RTP5: variants seen among roughly 807,000 people sequenced by gnomAD.
RTP5 encodes the protein receptor transporter protein 5 (putative), also known as receptor-transporting protein 5.
RTP5 carries 30 observed loss-of-function variants against 23.5 expected under a neutral mutation model. The observed-to-expected ratio is 1.27, with a 90% CI of 0.95 to 1.73. The LOEUF (loss-of-function observed/expected upper bound fraction) is 1.73, where lower values mean the gene tolerates loss of function less well. Among genes scored for constraint, RTP5 ranks in the 40% most tolerant of loss-of-function variants. The probability of loss-of-function intolerance (pLI) is 0.00; values close to 1 mark genes in which losing one functional copy is unlikely to be tolerated. For synonymous variants in RTP5, 354 were observed against 342.1 expected (o/e 1.03, Z -0.38); for missense variants, 807 against 784.2 (o/e 1.03, Z -0.35).
chr2:241,872,367 A>G lies in RTP5; in HGVS notation c.812A>G (p.His271Arg). The G allele has an allele frequency of 6.2e-7, 1 of 1,611,884 alleles. No individual in the cohort carries two copies. The highest frequency in any genetic ancestry group is 8.5e-7 in the Non-Finnish European group (1 of 1,179,628). ...GTGGCCATTGGAGACCCCCTCTTCC[A>G]CGGCCCCGGCCTCCTCGGCAGCAGC... ...FPVAIGDPLF[H>R]GPGLLGSSIQ... Residue 271 changes from histidine (H) to arginine (R), a missense_variant, in exon 2 of 2, where the codon CAC becomes CGC. Coordinates refer to ENST00000343216, the MANE Select transcript of RTP5 (RefSeq NM_173821.3).
At position 241,873,235 on chromosome 2, in the gene RTP5, G is replaced by A; in HGVS notation, c.1680G>A (p.Met560Ile). Residue 560 changes from methionine to isoleucine, a missense_variant, in exon 2 of 2, where the codon ATG becomes ATA. Coordinates refer to ENST00000343216, the MANE Select transcript of RTP5 (RefSeq NM_173821.3). ...TGTGCGTCTTCTGGCTGATGTGCAT[G>A]TGTCGGCTGAACCCCGGGATCTACC... ...MTVCVFWLMC[M>I]CRLNPGIYPQ... 6.3e-7 allele frequency: 1 copy of A among 1,597,580 alleles called. No individual in the cohort carries two copies. The highest frequency in any genetic ancestry group is 8.5e-7 in the Non-Finnish European group (1 of 1,176,126).
At chr2:241,871,610 A>T in intron 1 of RTP5, 104 bp from the exon 2 acceptor site, 1 of 1,382,106 alleles carries the variant, frequency 7.2e-7, no homozygotes, top group South Asian at 1.5e-5. Flanking sequence ...GGGGGCAGCG[A>T]GGCGCTGGGG....
chr2:241,870,675 C>T (rs990927249), intron 1 of RTP5, among the ~76,000 whole-genome samples: 27 of 152,248 alleles, frequency 1.8e-4, no homozygotes, highest in Non-Finnish European at 2.4e-4. Context: ...AGTAATAACC[C>T]GTGTTGGGGT....
chr2:241,873,746 G>A lies in RTP5; in HGVS notation c.*472G>A. The A allele has an allele frequency of 5.3e-6, 1 of 190,230 alleles. No homozygotes were observed. Among genetic ancestry groups the A allele is most frequent in the Non-Finnish European group, 1.0e-5 (1 of 95,626 alleles). 11.8% of individuals were successfully genotyped at this position (190,230 alleles called of 1,614,324 possible). A position where few individuals can be genotyped will look rare whatever the true frequency, so the allele number is the denominator to read the frequency against. On this transcript the variant is annotated 3_prime_UTR_variant, in exon 2 of 2. Coordinates refer to ENST00000343216, the MANE Select transcript of RTP5 (RefSeq NM_173821.3). ...CCTCCTGTCTCTTGCCCCTGGTTTT[G>A]TGGGTCTGCCCTGAGCTGTGCCTGT...
Position 241,873,421 on chromosome 2 carries a change from G to GCC in RTP5, c.*150_*151dup. The GCC allele has an allele frequency of 1.4e-6, 1 of 689,910 alleles. No individual in the cohort carries two copies. The highest frequency in any genetic ancestry group is 2.1e-6 in the Non-Finnish European group (1 of 485,176). 42.7% of individuals were successfully genotyped at this position (689,910 alleles called of 1,614,324 possible). On this transcript the variant is annotated 3_prime_UTR_variant, in exon 2 of 2. Coordinates refer to ENST00000343216, the MANE Select transcript of RTP5 (RefSeq NM_173821.3). ...TTTCTCTGAGACCCCCGCCTCTGAG[G>GCC]CCCCGCCCCCCGCCTCCGAGACCCC...
At position 241,871,943 on chromosome 2, in the gene RTP5, C is replaced by A. The variant is rs763141821; in HGVS notation, c.388C>A (p.Pro130Thr). 7.5e-6 allele frequency: 12 copies of A among 1,590,062 alleles called. No individual in the cohort carries two copies. Among genetic ancestry groups the A allele is most frequent in the Non-Finnish European group, 1.0e-5 (12 of 1,168,380 alleles). The stretch of plus-strand genomic sequence containing the variant: ...CCTGCAGGACTGCTACGGGGATGGC[C>A]CCGGCCCAGCCCGGCACCCCAGGGA... ...HILQDCYGDGPGPARHPREAY... is the reference protein window; with the variant it reads ...HILQDCYGDGTGPARHPREAY... The change falls in exon 2 of 2, where the codon CCC becomes ACC. Residue 130 changes from proline (P) to threonine (T), a missense_variant. Coordinates refer to ENST00000343216, the MANE Select transcript of RTP5 (RefSeq NM_173821.3).
At position 241,872,994 on chromosome 2, in the gene RTP5, A is replaced by G; in HGVS notation, c.1439A>G (p.Asp480Gly). 6.2e-7 allele frequency: 1 copy of G among 1,613,154 alleles called. No homozygotes were observed. Among genetic ancestry groups the G allele is most frequent in the Non-Finnish European group, 8.5e-7 (1 of 1,179,998 alleles). ...GCITIPFAVF[D>G]VIKRKGGGHV... is the part of the protein sequence containing the mutation. ...ATCACCATCCCCTTCGCAGTCTTCG[A>G]TGTCATAAAGCGCAAGGGCGGTGGC... is the stretch of plus-strand genomic sequence containing the variant. The change falls in exon 2 of 2, where the codon GAT becomes GGT. Residue 480 changes from aspartate (D) to glycine (G), a missense_variant. By Grantham distance (94) the Asp-to-Gly change is moderately conservative (BLOSUM62 -1). Coordinates refer to ENST00000343216, the MANE Select transcript of RTP5 (RefSeq NM_173821.3).
Position 241,872,061 on chromosome 2 carries a change from G to C in RTP5, c.506G>C (p.Gly169Ala), listed in dbSNP as rs773247359. Residue 169 changes from glycine to alanine, a missense_variant, in exon 2 of 2, where the codon GGC becomes GCC. Gly to Ala is a moderately conservative substitution (Grantham distance 60). Coordinates refer to ENST00000343216, the MANE Select transcript of RTP5 (RefSeq NM_173821.3). ...DPAWSANATK[G>A]NFPATAWGGT... ...GCCTGGAGCGCCAACGCCACAAAAG[G>C]CAACTTCCCCGCCACGGCCTGGGGT... The C allele has an allele frequency of 6.4e-7, 1 of 1,569,178 alleles. No individual in the cohort carries two copies. Among genetic ancestry groups the C allele is most frequent in the Admixed American group, 1.8e-5 (1 of 55,444 alleles).
At position 241,872,447 on chromosome 2, in the gene RTP5, A is replaced by C; in HGVS notation, c.892A>C (p.Ser298Arg). 2 of 1,606,494 alleles carry C rather than the reference A, an allele frequency of 1.2e-6. No individual in the cohort carries two copies. Among genetic ancestry groups the C allele is most frequent in the South Asian group, 2.2e-5 (2 of 90,264 alleles). ...CTTCAAAGGCCGGGGCTCCCTCTGC[A>C]GCCCGGTTGGCGTGGCCCAGGGCTG... The part of the protein sequence containing the change: ...FLFKGRGSLC[S>R]PVGVAQGWGP... The change falls in exon 2 of 2, where the codon AGC becomes CGC. Residue 298 changes from serine to arginine, a missense_variant. Coordinates refer to ENST00000343216, the MANE Select transcript of RTP5 (RefSeq NM_173821.3).
rs1194502752 is a variant in RTP5, at chr2:241,872,538, G to T, written c.983G>T (p.Cys328Phe). The T allele has an allele frequency of 6.4e-7, 1 of 1,566,582 alleles. No homozygotes were observed. Among genetic ancestry groups the T allele is most frequent in the African/African-American group, 1.4e-5 (1 of 73,366 alleles). The change falls in exon 2 of 2, where the codon TGT becomes TTT. Residue 328 changes from cysteine (C) to phenylalanine (F), a missense_variant. Cys to Phe is a radical substitution (Grantham distance 205). Transcript: ENST00000343216. ...AAACACACGCCAACCGTGTTCTACTGTGTGGGCCTCTCGGCCAGCGGGGAG... is the reference window on the plus strand; with the variant it reads ...AAACACACGCCAACCGTGTTCTACTTTGTGGGCCTCTCGGCCAGCGGGGAG... Reference protein sequence around the residue: ...VGKHTPTVFYCVGLSASGEGS... With the variant: ...VGKHTPTVFYFVGLSASGEGS...
intron 1 of RTP5, chr2:241,871,236 C>G (rs1461079116): frequency 2.8e-6 from 1 of 362,670 alleles, no homozygotes; most frequent in Admixed American, 3.5e-5. Flanking sequence ...CCCCCAGGGA[C>G]AGCCCCCACA....
At position 241,872,608 on chromosome 2, in the gene RTP5, C is replaced by T. The variant is rs374720690; in HGVS notation, c.1053C>T (p.Asn351=). 1 of 1,540,732 alleles carries T rather than the reference C, an allele frequency of 6.5e-7. No homozygotes were observed. The highest frequency in any genetic ancestry group is 8.7e-7 in the Non-Finnish European group (1 of 1,145,260). The change falls in exon 2 of 2, where the codon AAC becomes AAT. Residue 351 remains asparagine, a synonymous_variant. Transcript: ENST00000343216. The part of the protein sequence containing the change: ...FPSSLTSIFT[N]TLSEPTDGPV... Reference sequence around the variant, plus strand: ...CCTCCCTCACCAGCATCTTCACCAACACCCTCTCGGAGCCCACCGATGGCC... The same window carrying T: ...CCTCCCTCACCAGCATCTTCACCAATACCCTCTCGGAGCCCACCGATGGCC...
At chr2:241,871,531 G>C (rs1321016584) in intron 1 of RTP5, among the ~76,000 whole-genome samples, 183 bp from the exon 2 acceptor site, 1 of 152,222 alleles carries the variant, frequency 6.6e-6, no homozygotes, top group Non-Finnish European at 1.5e-5. Flanking sequence ...GCAGGTGCTA[G>C]GCTGCCTTGG....
At chr2:241,871,177 C>G (rs556862554) in intron 1 of RTP5, 45 of 413,378 alleles carry the variant, frequency 1.1e-4, no homozygotes, top group Non-Finnish European at 1.7e-4. Flanking sequence ...GGCAGGCGAC[C>G]TCCTGGATCG....
In RTP5 at chr2:241,871,961, C is replaced by T; in HGVS notation, c.406C>T (p.Pro136Ser). The T allele has an allele frequency of 3.1e-6, 5 of 1,592,288 alleles. No individual in the cohort carries two copies. Among genetic ancestry groups the T allele is most frequent in the Non-Finnish European group, 3.4e-6 (4 of 1,169,294 alleles). The change falls in exon 2 of 2, where the codon CCC (proline) becomes TCC (serine). Residue 136 changes from proline (P) to serine (S), a missense_variant. By Grantham distance (74) the Pro-to-Ser change is moderately conservative (BLOSUM62 -1). Transcript: ENST00000343216. ...GGATGGCCCCGGCCCAGCCCGGCAC[C>T]CCAGGGAGGCCTATGAGGGCTGCTG... ...YGDGPGPARH[P>S]REAYEGCCEA...
At chr2:241,870,545 C>T (rs1701299707) in intron 1 of RTP5, among the ~76,000 whole-genome samples, 1 of 152,248 alleles carries the variant, frequency 6.6e-6, no homozygotes, top group Non-Finnish European at 1.5e-5. Flanking sequence ...CTGGTCCGTC[C>T]CTCTGTGGAG....
Position 241,871,859 on chromosome 2 carries a change from G to A in RTP5, c.304G>A (p.Asp102Asn), listed in dbSNP as rs1476424200. The A allele has an allele frequency of 6.5e-7, 1 of 1,547,176 alleles. No individual in the cohort carries two copies. Among genetic ancestry groups the A allele is most frequent in the Admixed American group, 2.0e-5 (1 of 50,580 alleles). The stretch of plus-strand genomic sequence containing the variant: ...GTGCAGGCTGTGCCCCGCACCCGGG[G>A]ACTGCCAGGTGAGGCCCCCGGGCGA... ...QRCRLCPAPG[D>N]CQVRPPGEQP... The change falls in exon 2 of 2, where the codon GAC becomes AAC. Residue 102 changes from aspartate to asparagine, a missense_variant. Physicochemically the swap from Asp to Asn is conservative, Grantham distance 23. Coordinates refer to ENST00000343216, the MANE Select transcript of RTP5 (RefSeq NM_173821.3).
At position 241,873,444 on chromosome 2, in the gene RTP5, C is replaced by CCTGCCTCACCT; in HGVS notation, c.*171_*172insTGCCTCACCTC. Reference sequence around the variant, plus strand: ...AGGCCCCGCCCCCCGCCTCCGAGACCCCGCCCTGCCTCTGAGACCCCGCCT... The same window carrying CCTGCCTCACCT: ...AGGCCCCGCCCCCCGCCTCCGAGACCCTGCCTCACCTCCGCCCTGCCTCTGAGACCCCGCCT... On this transcript the variant is annotated 3_prime_UTR_variant, in exon 2 of 2. Coordinates refer to ENST00000343216, the MANE Select transcript of RTP5 (RefSeq NM_173821.3). The CCTGCCTCACCT allele has an allele frequency of 1.7e-6, 1 of 581,330 alleles. No homozygotes were observed. Among genetic ancestry groups the CCTGCCTCACCT allele is most frequent in the East Asian group, 3.5e-5 (1 of 28,570 alleles). 36.0% of individuals were successfully genotyped at this position (581,330 alleles called of 1,614,324 possible).
At position 241,873,057 on chromosome 2, in the gene RTP5, C is replaced by T. The variant is rs1701358019; in HGVS notation, c.1502C>T (p.Ser501Phe). The stretch of plus-strand genomic sequence containing the variant: ...GGCCCCCAGGGCAATGGCTGCTTCT[C>T]CCAAGGCTATTACCAGAAGAGGCAG... Reference protein sequence around the residue: ...AYGPQGNGCFSQGYYQKRQLR... With the variant: ...AYGPQGNGCFFQGYYQKRQLR... Residue 501 changes from serine to phenylalanine, a missense_variant, in exon 2 of 2, where the codon TCC becomes TTC. Physicochemically the swap from Ser to Phe is radical, Grantham distance 155 (BLOSUM62 -2). Transcript: ENST00000343216. 1 of 1,612,998 alleles carries T rather than the reference C, an allele frequency of 6.2e-7. No individual in the cohort carries two copies. Among genetic ancestry groups the T allele is most frequent in the East Asian group, 2.2e-5 (1 of 44,866 alleles).
Sources: gnomAD v4.1 joint callset for allele counts (sites outside exome capture counted in the v4.1 genomes callset) on GRCh38, gnomAD v4.1.1 for gene constraint, MANE v1.5 for transcripts, NCBI Gene and HGNC (gene_info 2026-07-23, HGNC 2026-07-21) for gene names.